MAGI2: variants seen among roughly 807,000 people sequenced by gnomAD.
MAGI2 encodes membrane-associated guanylate kinase, WW and PDZ domain-containing protein 2.
Under a neutral mutation model 133.3 loss-of-function variants are expected in MAGI2, and 35 were observed. The ratio of observed to expected loss-of-function variants is 0.26; its 90% CI spans 0.20 to 0.35. The LOEUF (loss-of-function observed/expected upper bound fraction) is 0.35. MAGI2 is among the 10% of genes least tolerant of loss of function. The pLI, the probability that MAGI2 is intolerant of heterozygous loss-of-function variation, is 1.00. For synonymous variants in MAGI2, 729 were observed against 710.6 expected (o/e 1.03, Z -0.41); for missense variants, 1,636 against 1,863.4 (o/e 0.88, Z 2.25).
At chr7:79,422,254 C>T (rs1204437465) in intron 1 of MAGI2, among the ~76,000 whole-genome samples, 1 of 152,000 alleles carries the variant, frequency 6.6e-6, no homozygotes, top group Non-Finnish European at 1.5e-5. Flanking sequence ...AGCAAATTAG[C>T]TCTTTCCTGT....
At chr7:79,317,316 G>T (rs1243571575) in intron 1 of MAGI2, among the ~76,000 whole-genome samples, 2 of 151,934 alleles carry the variant, frequency 1.3e-5, no homozygotes, top group Non-Finnish European at 1.5e-5. Context: ...GAGCCTGCAC[G>T]CCCAGCCAAA....
chr7:79,191,086 G>C (rs1827615179), intron 1 of MAGI2, among the ~76,000 whole-genome samples: 1 of 151,468 alleles, frequency 6.6e-6, no homozygotes, highest in Non-Finnish European at 1.5e-5. Flanking sequence ...GGATTTTAGT[G>C]TATTTTAATT....
intron 1 of MAGI2, among the ~76,000 whole-genome samples, chr7:79,144,985 G>A (rs1822480555): frequency 6.6e-6 from 1 of 152,068 alleles, no homozygotes. Flanking sequence ...TTCATTTTTG[G>A]TTTCTATGGA....
chr7:78,637,929 T>G (rs958096436), intron 2 of MAGI2, among the ~76,000 whole-genome samples: 1 of 152,042 alleles, frequency 6.6e-6, no homozygotes, highest in African/African-American at 2.4e-5. Context: ...AATTTAAAAA[T>G]TAGCTTGGTA....
At chr7:78,944,424 T>G (rs1383958183) in intron 2 of MAGI2, among the ~76,000 whole-genome samples, 1 of 152,144 alleles carries the variant, frequency 6.6e-6, no homozygotes, top group African/African-American at 2.4e-5. Flanking sequence ...CAGGCTTCAC[T>G]GGGTCTCCTC....
At chr7:78,875,703 A>G (rs1324689792) in intron 2 of MAGI2, among the ~76,000 whole-genome samples, 1 of 152,230 alleles carries the variant, frequency 6.6e-6, no homozygotes, top group Non-Finnish European at 1.5e-5. Flanking sequence ...TATGCAAAGA[A>G]TGAGTAGTGA....
At chr7:78,248,606 A>G (rs942170593) in intron 10 of MAGI2, among the ~76,000 whole-genome samples, 3 of 152,180 alleles carry the variant, frequency 2.0e-5, no homozygotes, top group African/African-American at 7.2e-5. Context: ...TAAACAAAAG[A>G]GTAGGAGTGG....
intron 9 of MAGI2, among the ~76,000 whole-genome samples, chr7:78,294,643 T>C (rs537582098): frequency 6.6e-6 from 1 of 151,474 alleles, no homozygotes; most frequent in African/African-American, 2.4e-5. Context: ...AGTAGTGCAC[T>C]ATCTATCTTG....
rs1011329733 is a variant in MAGI2, at chr7:78,811,128, T to A, written c.419-183889A>T. 5.9e-5 allele frequency among the ~76,000 whole-genome samples: 9 copies of A among 151,982 alleles called. No homozygotes were observed. The East Asian group carries it at 1.7e-3, about 29-fold the overall frequency. On this transcript the variant is annotated intron_variant, in intron 2 of 21. Transcript: ENST00000354212. ...AAAAATTAATATAAAGTATTAGTAA[T>A]CTGGAAGAATTTTCCAATAAGAAAA... is the stretch of plus-strand genomic sequence containing the variant.
intron 1 of MAGI2, among the ~76,000 whole-genome samples, chr7:79,129,537 T>C (rs1030532780): frequency 1.3e-5 from 2 of 152,202 alleles, no homozygotes; most frequent in African/African-American, 4.8e-5. Flanking sequence ...GAGTAACCTG[T>C]CATGAATTGC....
chr7:78,206,466 A>AT (rs1425307203), intron 10 of MAGI2, among the ~76,000 whole-genome samples: 2 of 151,552 alleles, frequency 1.3e-5, no homozygotes, highest in Non-Finnish European at 2.9e-5. Flanking sequence ...TAATTTTTGT[A>AT]TTTTTTAGTA....
intron 10 of MAGI2, among the ~76,000 whole-genome samples, chr7:78,218,013 T>C (rs1391165282): frequency 6.6e-6 from 1 of 152,186 alleles, no homozygotes; most frequent in Non-Finnish European, 1.5e-5. Context: ...CCCTCTGATG[T>C]CCCACATGGG....
intron 1 of MAGI2, among the ~76,000 whole-genome samples, chr7:79,124,378 T>A (rs1221215748): frequency 6.6e-6 from 1 of 152,290 alleles, no homozygotes; most frequent in East Asian, 1.9e-4. Context: ...CTCAAATATA[T>A]TATAAAAGTT....
intron 9 of MAGI2, among the ~76,000 whole-genome samples, chr7:78,297,935 T>C (rs1311645982): frequency 6.8e-6 from 1 of 147,622 alleles, no homozygotes; most frequent in Non-Finnish European, 1.5e-5. Context: ...TGTATACATA[T>C]GTAACTAACC....
intron 8 of MAGI2, chr7:78,345,665 T>C (rs1242112257): frequency 7.1e-6 from 3 of 422,590 alleles, no homozygotes; most frequent in Non-Finnish European, 8.5e-6. Context: ...ACAGTGCCAC[T>C]ATAAAAATCC....
At chr7:78,591,932 T>G (rs1314782232) in intron 3 of MAGI2, among the ~76,000 whole-genome samples, 2 of 152,188 alleles carry the variant, frequency 1.3e-5, no homozygotes, top group Non-Finnish European at 2.9e-5. Flanking sequence ...TCTTGAAAAC[T>G]TTTTTAAAAA....
chr7:78,545,625 C>T (rs62468612), intron 3 of MAGI2, among the ~76,000 whole-genome samples: 10,289 of 152,240 alleles, frequency 0.068, 441 homozygotes, highest in Non-Finnish European at 0.1. Flanking sequence ...TTGCTAACCG[C>T]TATTTAATGA....
At chr7:78,221,100 G>T (rs1034500624) in intron 10 of MAGI2, among the ~76,000 whole-genome samples, 3 of 152,138 alleles carry the variant, frequency 2.0e-5, no homozygotes, top group African/African-American at 7.2e-5. Flanking sequence ...TTCCTCCTGA[G>T]CCTTCCTGGA....
chr7:78,682,096 G>T (rs1270274868), intron 2 of MAGI2, among the ~76,000 whole-genome samples: 1 of 151,934 alleles, frequency 6.6e-6, no homozygotes, highest in Non-Finnish European at 1.5e-5. Context: ...GTGTAGGTAG[G>T]ACAAATTCCA....
Sources: gnomAD v4.1 joint callset for allele counts (sites outside exome capture counted in the v4.1 genomes callset) on GRCh38, gnomAD v4.1.1 for gene constraint, MANE v1.5 for transcripts, NCBI Gene and HGNC (gene_info 2026-07-23, HGNC 2026-07-21) for gene names.